The following SNX29 variants were observed in gnomAD, a reference collection of about 807,000 sequenced individuals.
SNX29 encodes the protein sorting nexin-29.
A neutral mutation model predicts 102.1 loss-of-function variants in SNX29; 78 were observed. The ratio of observed to expected loss-of-function variants is 0.76; its 90% CI spans 0.64 to 0.92. The LOEUF is 0.92. Ranked by LOEUF, SNX29 falls within the 40% of genes least tolerant of loss-of-function variation. The pLI, the probability that SNX29 is intolerant of heterozygous loss-of-function variation, is 0.00. For missense variants in SNX29, 1,280 were observed against 1,061.7 expected (o/e 1.21, Z -2.86); for synonymous variants, 580 against 414.5 (o/e 1.40, Z -4.85).
intron 18 of SNX29, among the ~76,000 whole-genome samples, chr16:12,465,134 T>A (rs1013796706): frequency 1.3e-5 from 2 of 152,230 alleles, no homozygotes; most frequent in Non-Finnish European, 2.9e-5. Flanking sequence ...TAACCCCTTA[T>A]CAGATATGGG....
chr16:12,348,259 T>G (rs1398059065), intron 15 of SNX29, among the ~76,000 whole-genome samples: 3 of 152,150 alleles, frequency 2.0e-5, no homozygotes, highest in Non-Finnish European at 4.4e-5. Context: ...CATGCTGGGA[T>G]TTTCGTTTGA....
chr16:12,125,603 C>CTTTTTTTTTTTTT lies in SNX29; in HGVS notation c.1403-1029_1403-1028insTTTTTTTTTTTTT, dbSNP rs1273937330. 4.2e-5 allele frequency among the ~76,000 whole-genome samples: 3 copies of CTTTTTTTTTTTTT among 71,496 alleles called. 1 individual carries two copies. The highest frequency in any genetic ancestry group is 1.6e-4 in the African/African-American group (3 of 18,864). 46.9% of individuals were successfully genotyped at this position (71,496 alleles called of 152,430 possible). ...CAAGGGGGGCTTGTGGCTGAGATCT[C>CTTTTTTTTTTTTT]TCTTTTTTTTTTTTTTTTTTTTTTT... On this transcript the variant is annotated intron_variant, in intron 11 of 20. Coordinates refer to ENST00000566228, the MANE Select transcript of SNX29 (RefSeq NM_032167.5).
chr16:12,310,616 C>T (rs939729426), intron 15 of SNX29, among the ~76,000 whole-genome samples: 1 of 152,084 alleles, frequency 6.6e-6, no homozygotes, highest in African/African-American at 2.4e-5. Context: ...AAGCAGATCA[C>T]TGGCGTCTGG....
intron 18 of SNX29, among the ~76,000 whole-genome samples, chr16:12,454,587 G>A (rs550377833): frequency 4.6e-5 from 7 of 152,266 alleles, no homozygotes; most frequent in Admixed American, 3.9e-4. Flanking sequence ...AGCGAACATC[G>A]AAAATAACCC....
intron 20 of SNX29, among the ~76,000 whole-genome samples, chr16:12,550,265 A>T (rs1448218239): frequency 6.6e-6 from 1 of 152,176 alleles, no homozygotes; most frequent in Non-Finnish European, 1.5e-5. Flanking sequence ...GGCCAGACAC[A>T]GAGGCTTATA....
chr16:12,404,751 A>T (rs1347196167), intron 18 of SNX29, among the ~76,000 whole-genome samples: 1 of 152,196 alleles, frequency 6.6e-6, no homozygotes, highest in Non-Finnish European at 1.5e-5. Context: ...TAGTTTCTTC[A>T]GCTGTAAAAT....
intron 13 of SNX29, among the ~76,000 whole-genome samples, chr16:12,164,625 C>T (rs1042753749): frequency 6.0e-5 from 9 of 149,654 alleles, no homozygotes; most frequent in Non-Finnish European, 7.4e-5. Flanking sequence ...TGGATTTAAT[C>T]ATGGGATTTT....
At position 12,147,520 on chromosome 16, in the gene SNX29, G is replaced by A. The variant is rs564523042; in HGVS notation, c.1595+17762G>A. On this transcript the variant is annotated intron_variant, in intron 13 of 20. Transcript: ENST00000566228. Reference sequence around the variant, plus strand: ...GAAAAATAGCAGAATGGTTTTGAGGGATACCAAAAGAGCCCAGGAAAGGTG... The same window carrying A: ...GAAAAATAGCAGAATGGTTTTGAGGAATACCAAAAGAGCCCAGGAAAGGTG... Among the ~76,000 whole-genome samples, 18 of 152,278 alleles carry A rather than the reference G, an allele frequency of 1.2e-4. No homozygotes were observed. In the South Asian group the frequency reaches 3.5e-3, roughly 30 times the overall value.
intron 1 of SNX29, among the ~76,000 whole-genome samples, chr16:11,996,325 A>G (rs952552321): frequency 6.6e-6 from 1 of 152,218 alleles, no homozygotes; most frequent in Admixed American, 6.5e-5. Flanking sequence ...TTGAGACTGT[A>G]GAAAGCTATG....
At chr16:12,269,770 G>A (rs747805564) in intron 14 of SNX29, among the ~76,000 whole-genome samples, 1 of 152,064 alleles carries the variant, frequency 6.6e-6, no homozygotes, top group Non-Finnish European at 1.5e-5. Flanking sequence ...AGAGAAGTAT[G>A]TTTTTCTCTT....
intron 1 of SNX29, among the ~76,000 whole-genome samples, chr16:11,988,568 T>A (rs2055722602): frequency 6.6e-6 from 1 of 152,112 alleles, no homozygotes; most frequent in African/African-American, 2.4e-5. Context: ...GGCTAATTTT[T>A]AAAAAACTTT....
chr16:12,563,159 G>A lies in SNX29; in HGVS notation c.2319-5347G>A, dbSNP rs372908189. 2.7e-3 allele frequency among the ~76,000 whole-genome samples: 416 copies of A among 151,800 alleles called. 1 individual carries two copies. The highest frequency in any genetic ancestry group is 9.5e-3 in the African/African-American group (393 of 41,318). On this transcript the variant is annotated intron_variant, in intron 20 of 20. Coordinates refer to ENST00000566228, the MANE Select transcript of SNX29 (RefSeq NM_032167.5). ...CGTCCTCATCCCAGCTCCAGGGGGG[G>A]CAACTCTGGGCTCAGGGATGTCACT...
chr16:12,481,758 C>G (rs1156817811), intron 19 of SNX29, among the ~76,000 whole-genome samples: 4 of 152,206 alleles, frequency 2.6e-5, no homozygotes, highest in African/African-American at 9.6e-5. Context: ...TGTTCTCAAA[C>G]TCCTGATCTC....
At chr16:12,399,281 A>G (rs1391653868) in intron 17 of SNX29, among the ~76,000 whole-genome samples, 1 of 152,058 alleles carries the variant, frequency 6.6e-6, no homozygotes, top group Admixed American at 6.6e-5. Context: ...CGAACTCCTG[A>G]CCTCAGGTGA....
At chr16:12,565,346 C>G (rs140925720) in intron 20 of SNX29, among the ~76,000 whole-genome samples, 5 of 152,328 alleles carry the variant, frequency 3.3e-5, no homozygotes, top group African/African-American at 1.2e-4. Context: ...TTCCATCTGT[C>G]ACGCACTCAC....
intron 13 of SNX29, among the ~76,000 whole-genome samples, chr16:12,132,366 C>T (rs900794041): frequency 1.3e-5 from 2 of 152,206 alleles, no homozygotes; most frequent in African/African-American, 4.8e-5. Context: ...TTCCAAAGTG[C>T]TTGGATTACA....
At chr16:12,476,573 C>A (rs964088232) in intron 18 of SNX29, among the ~76,000 whole-genome samples, 1 of 150,026 alleles carries the variant, frequency 6.7e-6, no homozygotes, top group South Asian at 2.1e-4. Flanking sequence ...GGTGATGTGA[C>A]GTCAGCAATA....
intron 13 of SNX29, among the ~76,000 whole-genome samples, chr16:12,171,944 C>T (rs2076158817): frequency 1.3e-5 from 2 of 152,164 alleles, no homozygotes; most frequent in South Asian, 4.1e-4. Context: ...AATCCCAAGC[C>T]TCACAGGACA....
intron 18 of SNX29, among the ~76,000 whole-genome samples, chr16:12,465,675 G>T (rs2087017614): frequency 6.6e-6 from 1 of 151,948 alleles, no homozygotes; most frequent in Non-Finnish European, 1.5e-5. Flanking sequence ...TATTGCTTTG[G>T]CTATTCAAGG....
Sources: allele counts gnomAD v4.1 joint callset (sites outside exome capture counted in the v4.1 genomes callset), GRCh38; gene constraint gnomAD v4.1.1; transcripts MANE v1.5; gene names NCBI Gene and HGNC (gene_info 2026-07-23, HGNC 2026-07-21).